PBX4: variants seen among roughly 807,000 people sequenced by gnomAD.
The protein encoded by PBX4 is PBX homeobox 4.
In PBX4, 26 loss-of-function variants were observed where a neutral mutation model predicts 35.1. The observed-to-expected ratio is 0.74, with a 90% confidence interval of 0.54 to 1.03. The LOEUF is 1.03. PBX4 is among the 50% of genes least tolerant of loss of function. The pLI is 0.00. For missense variants in PBX4, 448 were observed against 504.3 expected (o/e 0.89, Z 1.07); for synonymous variants, 199 against 204.2 (o/e 0.97, Z 0.22).
At chr19:19,579,618 T>TA (rs2061441086) in intron 2 of PBX4, among the ~76,000 whole-genome samples, 1 of 152,218 alleles carries the variant, frequency 6.6e-6, no homozygotes, top group African/African-American at 2.4e-5. Flanking sequence ...CCCAGCCCCA[T>TA]AGGGAGAAGG....
intron 2 of PBX4, among the ~76,000 whole-genome samples, chr19:19,588,995 G>A (rs1599361989): frequency 1.3e-5 from 2 of 151,914 alleles, no homozygotes; most frequent in African/African-American, 4.8e-5. Flanking sequence ...AGGCATGGTG[G>A]TGCCCACTTG....
chr19:19,579,336 C>G (rs1000889759), intron 2 of PBX4, among the ~76,000 whole-genome samples: 2 of 151,212 alleles, frequency 1.3e-5, no homozygotes, highest in Non-Finnish European at 1.5e-5. Flanking sequence ...GAGTGAGACT[C>G]CGTCTCAAAA....
Position 19,569,553 on chromosome 19 carries a change from T to C in PBX4, c.664A>G (p.Thr222Ala). The stretch of plus-strand genomic sequence containing the variant: ...TAAAAATACTCATTCAGCACTTCCG[T>C]CGCCTGCTTGCTGAAATTCCGCCGC... ...RKRRNFSKQA[T>A]EVLNEYFYSH... Residue 222 changes from threonine to alanine, a missense_variant, in exon 5 of 8, where the codon ACG becomes GCG. By Grantham distance (58) the Thr-to-Ala change is moderately conservative (BLOSUM62 0). Transcript: ENST00000251203. 1 of 1,613,746 alleles carries C rather than the reference T, an allele frequency of 6.2e-7. No homozygotes were observed. Among genetic ancestry groups the C allele is most frequent in the Non-Finnish European group, 8.5e-7 (1 of 1,179,826 alleles).
Position 19,570,214 on chromosome 19 carries a change from C to A in PBX4, c.527G>T (p.Arg176Leu), listed in dbSNP as rs370844553. 1.9e-6 allele frequency: 3 copies of A among 1,614,018 alleles called. No homozygotes were observed. The highest frequency in any genetic ancestry group is 2.5e-6 in the Non-Finnish European group (3 of 1,180,022). The change falls in exon 4 of 8, where the codon CGC becomes CTC. Residue 176 changes from arginine (R) to leucine (L), a missense_variant. Physicochemically the swap from Arg to Leu is moderately radical, Grantham distance 102. Transcript: ENST00000251203. ...CTTGCCGTGAATGGCGCCGACCATG[C>A]GCTCAATCTCCTTAGGGGAGACAGG... The part of the protein sequence containing the change: ...MRPVSPKEIE[R>L]MVGAIHGKFS...
intron 5 of PBX4, among the ~76,000 whole-genome samples, chr19:19,567,764 G>C (rs1046171167): frequency 6.6e-6 from 1 of 152,114 alleles, no homozygotes; most frequent in Non-Finnish European, 1.5e-5. Context: ...TGCCTACCAG[G>C]CTATAGAGTC....
At chr19:19,570,001 G>A (rs969967796) in intron 4 of PBX4, 108 bp downstream of exon 4, 18 of 1,186,402 alleles carry the variant, frequency 1.5e-5, no homozygotes, top group South Asian at 5.3e-5. Flanking sequence ...GCCTCCAACC[G>A]TGACTGCAGA....
At chr19:19,590,680 G>A (rs530038847) in intron 2 of PBX4, among the ~76,000 whole-genome samples, 1 of 152,054 alleles carries the variant, frequency 6.6e-6, no homozygotes, top group South Asian at 2.1e-4. Flanking sequence ...TGTTGGCCAG[G>A]CTGGTCTCGA....
chr19:19,570,411 C>T lies in PBX4; in HGVS notation c.442-112G>A, dbSNP rs1261184151. The stretch of plus-strand genomic sequence containing the variant: ...CCACCCCCTGTAGTTCACACACCGG[C>T]GGGTGACTGTTAAGTAAATGGAAAG... On this transcript the variant is annotated intron_variant, in intron 3 of 7. Coordinates refer to ENST00000251203, the MANE Select transcript of PBX4 (RefSeq NM_025245.3). 28 of 1,431,666 alleles carry T rather than the reference C, an allele frequency of 2.0e-5. 1 individual carries two copies. Among genetic ancestry groups the T allele is most frequent in the South Asian group, 1.8e-4 (13 of 74,058 alleles). The allele number at this position is 1,431,666 out of a possible 1,614,324, so 88.7% of individuals were successfully genotyped here.
intron 2 of PBX4, among the ~76,000 whole-genome samples, chr19:19,588,868 G>C (rs1036557846): frequency 1.3e-5 from 2 of 152,184 alleles, no homozygotes; most frequent in Admixed American, 1.3e-4. Flanking sequence ...GGACAGGTTG[G>C]CTCATCCCTG....
At chr19:19,578,459 G>T (rs1762685817) in intron 2 of PBX4, among the ~76,000 whole-genome samples, 1 of 152,158 alleles carries the variant, frequency 6.6e-6, no homozygotes, top group Admixed American at 6.5e-5. Context: ...TCCGGTGACT[G>T]TTCCAGAGCT....
intron 2 of PBX4, among the ~76,000 whole-genome samples, chr19:19,594,936 G>A (rs1347715799): frequency 6.6e-6 from 1 of 152,118 alleles, no homozygotes; most frequent in Non-Finnish European, 1.5e-5. Context: ...TGGTCAGGCT[G>A]GTCTCGAACT....
At chr19:19,582,457 T>C (rs967311959) in intron 2 of PBX4, among the ~76,000 whole-genome samples, 2 of 152,010 alleles carry the variant, frequency 1.3e-5, no homozygotes, top group Admixed American at 1.3e-4. Flanking sequence ...CCATTGATGG[T>C]GGAACAATGC....
At chr19:19,609,369 G>A (rs1467054681) in intron 1 of PBX4, among the ~76,000 whole-genome samples, 1 of 151,794 alleles carries the variant, frequency 6.6e-6, no homozygotes, top group Admixed American at 6.6e-5. Context: ...GACCAACATG[G>A]AGAAACCCCG....
chr19:19,597,265 T>C (rs1313380468), intron 2 of PBX4, among the ~76,000 whole-genome samples: 1 of 152,182 alleles, frequency 6.6e-6, no homozygotes, highest in South Asian at 2.1e-4. Flanking sequence ...AGGGACATCA[T>C]GTCCTCATAG....
intron 1 of PBX4, among the ~76,000 whole-genome samples, chr19:19,601,004 T>C (rs2061594187): frequency 6.6e-6 from 1 of 152,156 alleles, no homozygotes; most frequent in Admixed American, 6.6e-5. Flanking sequence ...CCACACACCA[T>C]TCTGGCATCA....
At position 19,588,323 on chromosome 19, in the gene PBX4, TA is replaced by T. The variant is rs2061503679; in HGVS notation, c.193+10968del. 3.6e-6 allele frequency: 4 copies of T among 1,116,388 alleles called. No homozygotes were observed. The East Asian group carries it at 9.6e-5, about 27-fold the overall frequency. The allele number at this position is 1,116,388 out of a possible 1,614,324, so 69.2% of individuals were successfully genotyped here. ...CAGGGACGCACATAGGAGTCACAGA[TA>T]ACACATTTGCCATCACATTTTTCAC... On this transcript the variant is annotated intron_variant, in intron 2 of 7. Transcript: ENST00000251203.
chr19:19,571,853 T>G (rs1454474259), intron 2 of PBX4, among the ~76,000 whole-genome samples: 1 of 151,524 alleles, frequency 6.6e-6, no homozygotes, highest in African/African-American at 2.4e-5. Context: ...GCCAACATGG[T>G]GAAACCCCGT....
At chr19:19,605,661 G>A (rs1000626781) in intron 1 of PBX4, among the ~76,000 whole-genome samples, 11 of 151,524 alleles carry the variant, frequency 7.3e-5, no homozygotes, top group Admixed American at 1.3e-4. Flanking sequence ...ACAGAGACGG[G>A]TTCTCCCTAT....
At chr19:19,596,782 C>T (rs189142262) in intron 2 of PBX4, among the ~76,000 whole-genome samples, 33 of 151,424 alleles carry the variant, frequency 2.2e-4, no homozygotes, top group Middle Eastern at 3.4e-3. Context: ...AGCTGGGCAA[C>T]GTGGCTCGTG....
Sources: gnomAD v4.1 joint callset for allele counts (sites outside exome capture counted in the v4.1 genomes callset) on GRCh38, gnomAD v4.1.1 for gene constraint, MANE v1.5 for transcripts, NCBI Gene and HGNC (gene_info 2026-07-23, HGNC 2026-07-21) for gene names.